The following VTI1A variants were observed in gnomAD, a reference collection of about 807,000 sequenced individuals.
VTI1A encodes the protein vesicle transport through interaction with t-SNAREs 1A.
VTI1A carries 22 observed loss-of-function variants against 34.9 expected under a neutral mutation model. The ratio of observed to expected loss-of-function variants is 0.63; its 90% CI spans 0.45 to 0.90. The LOEUF (loss-of-function observed/expected upper bound fraction) is 0.90, where lower values mean the gene tolerates loss of function less well. Among genes scored for constraint, VTI1A ranks in the 40% least tolerant of loss-of-function variants. The pLI, the probability that VTI1A is intolerant of heterozygous loss-of-function variation, is 0.00. For missense variants in VTI1A, 268 were observed against 275.6 expected, an observed-to-expected ratio of 0.97 and a Z score of 0.20; for synonymous variants, 87 against 97.3, an observed-to-expected ratio of 0.89 and a Z score of 0.62.
intron 5 of VTI1A, among the ~76,000 whole-genome samples, chr10:112,625,661 A>G (rs560879685): frequency 3.7e-4 from 56 of 151,506 alleles, no homozygotes; most frequent in Non-Finnish European, 6.3e-4. Flanking sequence ...AAGGAAAACC[A>G]AACATCATAT....
At chr10:112,455,548 T>TTTCC (rs559846738) in intron 1 of VTI1A, among the ~76,000 whole-genome samples, 2 of 105,818 alleles carry the variant, frequency 1.9e-5, no homozygotes, top group African/African-American at 3.7e-5. Context: ...TTCACTTCCC[T>TTTCC]TTCCTTCCTT....
At chr10:112,528,423 C>CT (rs1464279525) in intron 4 of VTI1A, among the ~76,000 whole-genome samples, 2 of 151,796 alleles carry the variant, frequency 1.3e-5, no homozygotes, top group African/African-American at 4.8e-5. Flanking sequence ...ATGTTATCAG[C>CT]TTGAGTTCAG....
intron 3 of VTI1A, among the ~76,000 whole-genome samples, chr10:112,518,651 G>GTATATATA (rs36060655): frequency 1.5e-5 from 2 of 134,122 alleles, no homozygotes; most frequent in Admixed American, 1.5e-4. Flanking sequence ...GTATATACGT[G>GTATATATA]TATATATATA....
intron 7 of VTI1A, among the ~76,000 whole-genome samples, chr10:112,718,478 G>A (rs2133935336): frequency 6.6e-6 from 1 of 152,364 alleles, no homozygotes; most frequent in East Asian, 1.9e-4. Context: ...TACTTCAAGT[G>A]TGCTATCTTT....
intron 7 of VTI1A, among the ~76,000 whole-genome samples, chr10:112,798,138 T>C (rs1005305876): frequency 2.0e-5 from 3 of 152,142 alleles, no homozygotes; most frequent in Non-Finnish European, 4.4e-5. Context: ...CTGGCGGTGT[T>C]AGGTCAGTGC....
intron 5 of VTI1A, among the ~76,000 whole-genome samples, chr10:112,608,188 G>A (rs1845161717): frequency 1.3e-5 from 2 of 152,080 alleles, no homozygotes; most frequent in Non-Finnish European, 2.9e-5. Context: ...TTTACTTTAA[G>A]CCTTTTAGAA....
intron 5 of VTI1A, among the ~76,000 whole-genome samples, chr10:112,628,208 G>A (rs543699118): frequency 6.6e-6 from 1 of 152,186 alleles, no homozygotes; most frequent in South Asian, 2.1e-4. Context: ...GTATCATAAT[G>A]TAATCATTCA....
At chr10:112,849,526 T>G in the VTI1A span, among the ~76,000 whole-genome samples, 4 of 152,206 alleles carry the variant, frequency 2.6e-5, no homozygotes, top group African/African-American at 9.6e-5. Context: ...GGCTGGTCCC[T>G]TCTTAGAAAA....
intron 4 of VTI1A, among the ~76,000 whole-genome samples, chr10:112,531,134 C>T (rs1554897101): frequency 6.6e-6 from 1 of 150,580 alleles, no homozygotes; most frequent in Non-Finnish European, 1.5e-5. Flanking sequence ...CGCATGAACC[C>T]TCACATGCTC....
intron 5 of VTI1A, among the ~76,000 whole-genome samples, chr10:112,658,591 C>A (rs1847323336): frequency 6.6e-6 from 1 of 152,046 alleles, no homozygotes; most frequent in Non-Finnish European, 1.5e-5. Flanking sequence ...TCTTTAAAGT[C>A]ATTTACAGTC....
At chr10:112,786,601 G>A (rs1852296617) in intron 7 of VTI1A, among the ~76,000 whole-genome samples, 1 of 152,138 alleles carries the variant, frequency 6.6e-6, no homozygotes, top group Non-Finnish European at 1.5e-5. Flanking sequence ...TTATTGAGTT[G>A]AAAAAGTCTC....
chr10:112,776,307 T>G (rs1050456745), intron 7 of VTI1A, among the ~76,000 whole-genome samples: 3 of 152,182 alleles, frequency 2.0e-5, no homozygotes, highest in African/African-American at 7.2e-5. Flanking sequence ...ACTGGGATTA[T>G]GAACCCTGTG....
chr10:112,767,973 C>A lies in VTI1A; in HGVS notation c.561-47317C>A, dbSNP rs1222177669. On this transcript the variant is annotated intron_variant, in intron 7 of 7. Coordinates refer to ENST00000393077, the MANE Select transcript of VTI1A (RefSeq NM_145206.4). This position sits in a 1 kb window ranked among gnomAD's most constrained non-coding sequence, Gnocchi z 4.0. ...GACACGTATTACTTCCCCCTTGGATCCTCATGCCTTTCCTGGACTTCTGTG... is the reference window on the plus strand; with the variant it reads ...GACACGTATTACTTCCCCCTTGGATACTCATGCCTTTCCTGGACTTCTGTG... Among the ~76,000 whole-genome samples, 1 of 132,574 alleles carries A rather than the reference C, an allele frequency of 7.5e-6. No homozygotes were observed. The highest frequency in any genetic ancestry group is 3.1e-5 in the African/African-American group (1 of 32,656). 87.0% of individuals were successfully genotyped at this position (132,574 alleles called of 152,430 possible).
chr10:112,730,710 T>C (rs1327836585), intron 7 of VTI1A, among the ~76,000 whole-genome samples: 1 of 152,064 alleles, frequency 6.6e-6, no homozygotes, highest in Non-Finnish European at 1.5e-5. Context: ...AGCAGTTTAT[T>C]CAACCACCGT....
chr10:112,830,846 TATA>T, the VTI1A span, among the ~76,000 whole-genome samples: 6,969 of 53,306 alleles, frequency 0.13, 566 homozygotes, highest in Middle Eastern at 0.18. Context: ...TATATATATA[TATA>T]TTTTTTTTTT....
At chr10:112,552,204 T>C (rs1785107373) in intron 5 of VTI1A, among the ~76,000 whole-genome samples, 1 of 152,214 alleles carries the variant, frequency 6.6e-6, no homozygotes, top group African/African-American at 2.4e-5. Flanking sequence ...AATTACCTTA[T>C]CTGAAATGGA....
At chr10:112,714,420 G>A (rs905062644) in intron 7 of VTI1A, among the ~76,000 whole-genome samples, 3 of 152,166 alleles carry the variant, frequency 2.0e-5, no homozygotes, top group African/African-American at 4.8e-5. Context: ...GTAAGCTCCA[G>A]GAGAGCAGGA....
At chr10:112,518,547 TTCTCTCTCTCTC>T (rs57853028) in intron 3 of VTI1A, among the ~76,000 whole-genome samples, 2,833 of 101,454 alleles carry the variant, frequency 0.028, 100 homozygotes, top group African/African-American at 0.085. Flanking sequence ...TCATATCTCT[TTCTCTCTCTCTC>T]TCTCTCTCTC....
Position 112,708,884 on chromosome 10 carries a change from G to A in VTI1A, c.560+39886G>A, listed in dbSNP as rs189725780. 1.6e-4 allele frequency among the ~76,000 whole-genome samples: 24 copies of A among 152,240 alleles called. No homozygotes were observed. In the East Asian group the frequency reaches 4.1e-3, roughly 26 times the overall value. ...AAATAGTCTCCTAAAAACATGTTTC[G>A]TAGTTACACAGTCTGTCTCCTAAAA... is the stretch of plus-strand genomic sequence containing the variant. On this transcript the variant is annotated intron_variant, in intron 7 of 7. Transcript: ENST00000393077.
Sources: gnomAD v4.1 joint callset for allele counts (sites outside exome capture counted in the v4.1 genomes callset) on GRCh38, gnomAD v4.1.1 for gene constraint, Gnocchi (gnomAD v3.1) non-coding constraint, MANE v1.5 for transcripts, NCBI Gene and HGNC (gene_info 2026-07-23, HGNC 2026-07-21) for gene names.